The following CNTNAP1 variants were observed in gnomAD, a reference collection of about 807,000 sequenced individuals.
The protein encoded by CNTNAP1 is contactin associated protein 1, also known as contactin-associated protein 1.
CNTNAP1 carries 80 observed loss-of-function variants against 161.5 expected under a neutral mutation model. The ratio of observed to expected loss-of-function variants is 0.50; its 90% CI spans 0.41 to 0.60. The LOEUF (loss-of-function observed/expected upper bound fraction) is 0.60. Among genes scored for constraint, CNTNAP1 ranks in the 20% least tolerant of loss-of-function variants. CNTNAP1 has a pLI of 0.00. For missense variants in CNTNAP1, 1,464 were observed against 1,854.8 expected (o/e 0.79, Z 3.87); for synonymous variants, 695 against 733.1 (o/e 0.95, Z 0.84).
At chr17:42,693,622 C>A in intron 18 of CNTNAP1, 86 bp downstream of exon 18, 1 of 1,537,832 alleles carries the variant, frequency 6.5e-7, no homozygotes, top group Non-Finnish European at 8.8e-7. Context: ...GCATGTAAAG[C>A]CCATATCATG....
At position 42,683,047 on chromosome 17, in the gene CNTNAP1, G is replaced by C. The variant is rs1423182706; in HGVS notation, c.67+151G>C. 8 of 748,878 alleles carry C rather than the reference G, an allele frequency of 1.1e-5. No individual in the cohort carries two copies. The East Asian group carries it at 2.0e-4, about 19-fold the overall frequency. The allele number at this position is 748,878 out of a possible 1,614,324, so 46.4% of individuals were successfully genotyped here. On this transcript the variant is annotated intron_variant, in intron 1 of 23. Transcript: ENST00000264638. The stretch of plus-strand genomic sequence containing the variant: ...TCATCTTTTCCTGCCTCTCCCCCGC[G>C]CTCCGCATTGCAGCTCTGAGGCTGC...
Position 42,695,830 on chromosome 17 carries a change from G to A in CNTNAP1, c.3302G>A (p.Ser1101Asn). ...GCCCCTGCTGTCCTGCTCTACGTCA[G>A]TTCCTTTGTTCGTGACTACATGGCT... ...SSAPAVLLYV[S>N]SFVRDYMAVL... Residue 1101 changes from serine to asparagine, a missense_variant, in exon 19 of 24, where the codon AGT becomes AAT. Coordinates refer to ENST00000264638, the MANE Select transcript of CNTNAP1 (RefSeq NM_003632.3). 6.2e-7 allele frequency: 1 copy of A among 1,614,164 alleles called. No individual in the cohort carries two copies. The highest frequency in any genetic ancestry group is 8.5e-7 in the Non-Finnish European group (1 of 1,180,026).
At chr17:42,686,229 G>A (rs915767423) in intron 6 of CNTNAP1, 88 bp downstream of exon 6, 3 of 1,346,762 alleles carry the variant, frequency 2.2e-6, no homozygotes, top group Non-Finnish European at 3.1e-6. Flanking sequence ...CTTTTCCTCT[G>A]TCTCTCAGAG....
At position 42,685,139 on chromosome 17, in the gene CNTNAP1, G is replaced by GT. The variant is rs1340753469; in HGVS notation, c.511+2dup. 1.9e-6 allele frequency: 3 copies of GT among 1,596,544 alleles called. No individual in the cohort carries two copies. In the South Asian group the frequency reaches 3.4e-5, roughly 18 times the overall value. ...CTCGGCCTCTATGGCTGCCCATACAGTAAGTGTGCAGAGAGCGCGGAGGGG... is the reference window on the plus strand; with the variant it reads ...CTCGGCCTCTATGGCTGCCCATACAGTTAAGTGTGCAGAGAGCGCGGAGGGG... On this transcript the variant is annotated splice_donor_variant, in intron 4 of 23. Transcript: ENST00000264638. LOFTEE classifies it high-confidence loss of function. The surrounding 1 kb of genome is among the most constrained non-coding windows in gnomAD (Gnocchi z 5.0).
rs760506538 is a variant in CNTNAP1, at chr17:42,697,941, C to G, written c.3853C>G (p.Leu1285Val). 8 of 1,614,044 alleles carry G rather than the reference C, an allele frequency of 5.0e-6. No individual in the cohort carries two copies. Among genetic ancestry groups the G allele is most frequent in the Non-Finnish European group, 5.9e-6 (7 of 1,180,030 alleles). The part of the protein sequence containing the change: ...YYHDEGWVAI[L>V]LGFLVAFLLL... ...CCATGATGAAGGATGGGTTGCCATA[C>G]TTTTAGGCTGTGAGTAGCACTGATC... The change falls in exon 23 of 24, where the codon CTT (leucine) becomes GTT (valine). Residue 1285 changes from leucine to valine, a missense_variant. By Grantham distance (32) the Leu-to-Val change is conservative (BLOSUM62 1). This residue lies in a region of CNTNAP1 where 1,383 missense variants were observed against 1,765.0 expected (regional missense o/e 0.78). Coordinates refer to ENST00000264638, the MANE Select transcript of CNTNAP1 (RefSeq NM_003632.3).
At chr17:42,694,604 T>TG (rs1245816490) in intron 18 of CNTNAP1, among the ~76,000 whole-genome samples, 1 of 144,728 alleles carries the variant, frequency 6.9e-6, no homozygotes, top group Non-Finnish European at 1.5e-5. Flanking sequence ...CACTCCAGCC[T>TG]GGGGGGCACA....
Position 42,686,023 on chromosome 17 carries a change from A to G in CNTNAP1, c.782A>G (p.Gln261Arg), listed in dbSNP as rs776632940. The change falls in exon 6 of 24, where the codon CAG becomes CGG. Residue 261 changes from glutamine to arginine, a missense_variant. This residue lies in a region of CNTNAP1 where 1,383 missense variants were observed against 1,765.0 expected (regional missense o/e 0.78). Coordinates refer to ENST00000264638, the MANE Select transcript of CNTNAP1 (RefSeq NM_003632.3). ...TVSAGGVLND[Q>R]HWHYVRVDRF... ...AGCGCAGGCGGAGTCCTCAATGACC[A>G]GCACTGGCACTATGTGCGGGTGGAC... 3.1e-6 allele frequency: 5 copies of G among 1,614,174 alleles called. No homozygotes were observed. Among genetic ancestry groups the G allele is most frequent in the Admixed American group, 1.7e-5 (1 of 60,022 alleles).
In CNTNAP1 at chr17:42,691,255, T is replaced by C. The variant is rs756413592; in HGVS notation, c.2178T>C (p.Pro726=). ...GTCTGGACCGGAGCTGTGTGGACCC[T>C]GCCTTGTACTGCAACTGTGACGCTG... ...ACGLDRSCVD[P]ALYCNCDADQ... Residue 726 remains proline, a synonymous_variant, in exon 14 of 24, where the codon CCT becomes CCC. Transcript: ENST00000264638. The surrounding 1 kb of genome is among the most constrained non-coding windows in gnomAD (Gnocchi z 4.3). 7 of 1,614,042 alleles carry C rather than the reference T, an allele frequency of 4.3e-6. No homozygotes were observed. The African/African-American group carries it at 5.3e-5, about 12-fold the overall frequency.
chr17:42,686,486 T>G (rs1286987899), intron 6 of CNTNAP1, among the ~76,000 whole-genome samples: 1 of 147,672 alleles, frequency 6.8e-6, no homozygotes, highest in African/African-American at 2.5e-5. Flanking sequence ...TTTTTTTTTT[T>G]TTTTTTTGTG....
At chr17:42,683,353 T>G (rs2052962345) in intron 1 of CNTNAP1, 1 of 1,083,658 alleles carries the variant, frequency 9.2e-7, no homozygotes, top group Non-Finnish European at 1.1e-6. Context: ...CCCTGACTGA[T>G]GCTAAGGCTG....
rs369523856 is a variant in CNTNAP1 at position 42,698,880 on chromosome 17, C to A, written c.4125C>A (p.Pro1375=). 6.4e-7 allele frequency: 1 copy of A among 1,568,310 alleles called. No homozygotes were observed. Among genetic ancestry groups the A allele is most frequent in the African/African-American group, 1.3e-5 (1 of 74,134 alleles). Residue 1375 remains proline (P), a synonymous_variant, in exon 24 of 24, where the codon CCC becomes CCA. Transcript: ENST00000264638. ...CTGGCCCCCGGGATCAGAACCTACC[C>A]CAGATCCTGGAGGAGTCCAGGTCTG... is the stretch of plus-strand genomic sequence containing the variant. ...PAPGPRDQNL[P]QILEESRSE
chr17:42,698,533 G>A (rs895831881), intron 23 of CNTNAP1, 85 bp from the exon 24 acceptor site: 23 of 1,180,934 alleles, frequency 1.9e-5, no homozygotes, highest in African/African-American at 1.7e-5. Context: ...CTCAAAGAGT[G>A]CGTGTGTGTG....
rs977870944 is a variant in CNTNAP1 at position 42,689,416 on chromosome 17, C to T, written c.1629-105C>T. 5.8e-5 allele frequency: 51 copies of T among 883,770 alleles called. No homozygotes were observed. In the African/African-American group the frequency reaches 6.5e-4, roughly 11 times the overall value. The allele number at this position is 883,770 out of a possible 1,614,324, so 54.7% of individuals were successfully genotyped here. On this transcript the variant is annotated intron_variant, in intron 10 of 23. Coordinates refer to ENST00000264638, the MANE Select transcript of CNTNAP1 (RefSeq NM_003632.3). ...GCTGGCTAGGCGGGGTGTGTCTCAC[C>T]GGGTTCTGGGGCTTCAAGGAGCTGG...
At chr17:42,694,596 C>T (rs549515654) in intron 18 of CNTNAP1, among the ~76,000 whole-genome samples, 4 of 151,074 alleles carry the variant, frequency 2.6e-5, no homozygotes, top group Admixed American at 6.6e-5. Flanking sequence ...TGCCACTGCA[C>T]TCCAGCCTGG....
At position 42,693,429 on chromosome 17, in the gene CNTNAP1, C is replaced by G; in HGVS notation, c.2885C>G (p.Ala962Gly). ...GTSPNCTGHCAHPRLPCFHGG... is the reference protein window; with the variant it reads ...GTSPNCTGHCGHPRLPCFHGG... ...TCACCCAACTGCACAGGCCACTGTG[C>G]CCACCCTCGGCTCCCCTGTTTCCAT... The change falls in exon 18 of 24, where the codon GCC becomes GGC. Residue 962 changes from alanine (A) to glycine (G), a missense_variant. Transcript: ENST00000264638. 6.2e-7 allele frequency: 1 copy of G among 1,614,240 alleles called. No homozygotes were observed.
intron 1 of CNTNAP1, chr17:42,683,339 G>A (rs2052962170): frequency 2.8e-6 from 3 of 1,087,810 alleles, no homozygotes; most frequent in Admixed American, 9.7e-5. Context: ...GCAGGAGCTG[G>A]TGCCCCTGAC....
chr17:42,692,117 T>G, intron 16 of CNTNAP1, 126 bp downstream of exon 16: 1 of 990,482 alleles, frequency 1.0e-6, no homozygotes, highest in Non-Finnish European at 1.5e-6. Flanking sequence ...AGGGTTGAGA[T>G]ACCCTATGTT....
chr17:42,691,111 G>C lies in CNTNAP1; in HGVS notation c.2060-26G>C. 6.2e-7 allele frequency: 1 copy of C among 1,611,390 alleles called. No individual in the cohort carries two copies. The highest frequency in any genetic ancestry group is 1.7e-5 in the Admixed American group (1 of 59,908). On this transcript the variant is annotated intron_variant, in intron 13 of 23. Transcript: ENST00000264638. This position sits in a 1 kb window ranked among gnomAD's most constrained non-coding sequence, Gnocchi z 4.3. Reference sequence around the variant, plus strand: ...AGAGGCTAATGGAGGGACAGGGCCTGGAAGCTGCCTGCACCTCTTCCCCAG... The same window carrying C: ...AGAGGCTAATGGAGGGACAGGGCCTCGAAGCTGCCTGCACCTCTTCCCCAG...
Position 42,697,588 on chromosome 17 carries a change from C to T in CNTNAP1, c.3603C>T (p.Tyr1201=), listed in dbSNP as rs1567976642. ...TCATTGACCCGGAGATCCAGCGCTA[C>T]AACACCCCAGGTTTCTCAGGCTGCC... ...TGVIDPEIQR[Y]NTPGFSGCLS... The change falls in exon 22 of 24, where the codon TAC becomes TAT. Residue 1201 remains tyrosine (Y), a synonymous_variant. Coordinates refer to ENST00000264638, the MANE Select transcript of CNTNAP1 (RefSeq NM_003632.3). 6.2e-7 allele frequency: 1 copy of T among 1,614,118 alleles called. No individual in the cohort carries two copies.
Sources: gnomAD v4.1 joint callset for allele counts (sites outside exome capture counted in the v4.1 genomes callset) on GRCh38, gnomAD v4.1.1 for gene constraint, gnomAD v4.1.1 regional missense constraint, Gnocchi (gnomAD v3.1) non-coding constraint, MANE v1.5 for transcripts, NCBI Gene and HGNC (gene_info 2026-07-23, HGNC 2026-07-21) for gene names.